The following ALPK2 variants were observed in gnomAD, a reference collection of about 807,000 sequenced individuals.
ALPK2 encodes alpha-protein kinase 2.
In ALPK2, 127 loss-of-function variants were observed where a neutral mutation model predicts 163.1. That is an observed-to-expected ratio of 0.78 (90% CI 0.67 to 0.90). The LOEUF (loss-of-function observed/expected upper bound fraction) is 0.90. Among genes scored for constraint, ALPK2 ranks in the 40% least tolerant of loss-of-function variants. ALPK2 has a pLI of 0.00. For synonymous variants in ALPK2, 953 were observed against 959.1 expected, an observed-to-expected ratio of 0.99 and a Z score of 0.12; for missense variants, 2,360 against 2,589.6, an observed-to-expected ratio of 0.91 and a Z score of 1.92.
chr18:58,624,946 TTCA>T (rs1355515198), intron 1 of ALPK2, among the ~76,000 whole-genome samples: 1 of 152,194 alleles, frequency 6.6e-6, no homozygotes, highest in Admixed American at 6.5e-5. Flanking sequence ...TGACAATTCT[TTCA>T]TCATCAAGAA....
chr18:58,606,613 G>T (rs565418977), intron 3 of ALPK2, among the ~76,000 whole-genome samples: 1 of 152,032 alleles, frequency 6.6e-6, no homozygotes, highest in Non-Finnish European at 1.5e-5. Flanking sequence ...CAGACTCAAC[G>T]CTATCAGCAC....
chr18:58,494,995 C>T (rs1477771279), intron 12 of ALPK2, among the ~76,000 whole-genome samples: 1 of 152,112 alleles, frequency 6.6e-6, no homozygotes, highest in African/African-American at 2.4e-5. Flanking sequence ...TGACTTCAAG[C>T]AGGAAAGACT....
rs2051636726 is a variant in ALPK2 at position 58,535,121 on chromosome 18, T to TTC, written c.5064_5065dup (p.Lys1689ArgfsTer18). On this transcript the variant is annotated frameshift_variant, in exon 5 of 13. Transcript: ENST00000361673. ...TTTGCCTGCTCGGGCTTCCAGGGACTTCTCTCTCTCCCTGGACTTTTTCGC... is the reference window on the plus strand; with the variant it reads ...TTTGCCTGCTCGGGCTTCCAGGGACTTCTCTCTCTCTCCCTGGACTTTTTCGC... The TTC allele has an allele frequency of 6.2e-7, 1 of 1,614,114 alleles. No individual in the cohort carries two copies. The highest frequency in any genetic ancestry group is 8.5e-7 in the Non-Finnish European group (1 of 1,180,024).
chr18:58,597,400 A>C (rs2052046470), intron 3 of ALPK2, among the ~76,000 whole-genome samples: 1 of 152,234 alleles, frequency 6.6e-6, no homozygotes, highest in South Asian at 2.1e-4. Flanking sequence ...CACTGTTCAA[A>C]AAGTTTCCTT....
chr18:58,618,790 C>G (rs138496376), intron 1 of ALPK2, among the ~76,000 whole-genome samples: 7 of 152,282 alleles, frequency 4.6e-5, no homozygotes, highest in African/African-American at 1.7e-4. Context: ...CCCTGCACCC[C>G]TGCAATCTGC....
intron 5 of ALPK2, among the ~76,000 whole-genome samples, chr18:58,533,780 T>C (rs1215842326): frequency 1.3e-5 from 2 of 152,158 alleles, no homozygotes; most frequent in Non-Finnish European, 2.9e-5. Flanking sequence ...TGCTTTAAAA[T>C]ATAGATACTA....
At chr18:58,482,299 A>G (rs908278081) in intron 12 of ALPK2, among the ~76,000 whole-genome samples, 5 of 152,184 alleles carry the variant, frequency 3.3e-5, no homozygotes, top group African/African-American at 4.8e-5. Context: ...CCAGGTGCTC[A>G]CGGTTGGAAT....
intron 4 of ALPK2, among the ~76,000 whole-genome samples, chr18:58,574,018 G>A (rs2051905568): frequency 6.6e-6 from 1 of 152,108 alleles, no homozygotes; most frequent in African/African-American, 2.4e-5. Flanking sequence ...GCAAAAGGCA[G>A]AAAATCCTGA....
intron 9 of ALPK2, among the ~76,000 whole-genome samples, chr18:58,516,289 C>T (rs376193839): frequency 7.9e-5 from 12 of 151,772 alleles, no homozygotes; most frequent in African/African-American, 2.4e-4. Flanking sequence ...GAGGAAGGAG[C>T]GAGAGAAGCT....
chr18:58,624,395 G>C lies in ALPK2; in HGVS notation c.-21+4369C>G, dbSNP rs2052217970. On this transcript the variant is annotated intron_variant, in intron 1 of 12. Transcript: ENST00000361673. ...TGACCAAAGTCCTGGACTCTTCCAT[G>C]GTATGAGCAATAAATCCCTGTTACT... is the stretch of plus-strand genomic sequence containing the variant. Among the ~76,000 whole-genome samples, 6 of 152,162 alleles carry C rather than the reference G, an allele frequency of 3.9e-5. No individual in the cohort carries two copies. The South Asian group carries it at 1.2e-3, about 32-fold the overall frequency.
Position 58,484,700 on chromosome 18 carries a change from C to T in ALPK2, c.6297-2661G>A, listed in dbSNP as rs1325016683. On this transcript the variant is annotated intron_variant, in intron 12 of 12. Transcript: ENST00000361673. ...CAGAGGTTGCAGTGAGACGAGATCGCGCCACTGCACTCCAGTCTGGCGACA... is the reference window on the plus strand; with the variant it reads ...CAGAGGTTGCAGTGAGACGAGATCGTGCCACTGCACTCCAGTCTGGCGACA... Among the ~76,000 whole-genome samples, 8 of 152,142 alleles carry T rather than the reference C, an allele frequency of 5.3e-5. 1 individual carries two copies. The South Asian group carries it at 1.7e-3, about 32-fold the overall frequency.
At chr18:58,532,107 T>C (rs2051619019) in intron 5 of ALPK2, among the ~76,000 whole-genome samples, 1 of 152,150 alleles carries the variant, frequency 6.6e-6, no homozygotes, top group Non-Finnish European at 1.5e-5. Context: ...ATTAGATAAA[T>C]ATTCAGTGCA....
intron 4 of ALPK2, 74 bp downstream of exon 4, chr18:58,578,740 A>ACACGCGCG: frequency 8.9e-7 from 1 of 1,118,820 alleles, no homozygotes; most frequent in Non-Finnish European, 1.3e-6. Flanking sequence ...AGAGACACAC[A>ACACGCGCG]CACACACACA....
chr18:58,530,396 C>T (rs1169095380), intron 5 of ALPK2, among the ~76,000 whole-genome samples: 7 of 152,204 alleles, frequency 4.6e-5, no homozygotes, highest in Non-Finnish European at 7.3e-5. Context: ...GTATTGATGG[C>T]AAACCCGCAT....
At chr18:58,623,752 C>T (rs1480899128) in intron 1 of ALPK2, among the ~76,000 whole-genome samples, 6 of 152,262 alleles carry the variant, frequency 3.9e-5, no homozygotes, top group Non-Finnish European at 7.3e-5. Flanking sequence ...AGGCGGCTCA[C>T]GCCACCGTGC....
At chr18:58,504,526 T>C (rs1465156526) in intron 10 of ALPK2, among the ~76,000 whole-genome samples, 3 of 152,164 alleles carry the variant, frequency 2.0e-5, no homozygotes, top group South Asian at 2.1e-4. Context: ...TTCCTTCCTT[T>C]CATCCATCCA....
intron 10 of ALPK2, among the ~76,000 whole-genome samples, chr18:58,504,499 C>T (rs748809213): frequency 6.6e-6 from 1 of 152,178 alleles, no homozygotes; most frequent in Non-Finnish European, 1.5e-5. Context: ...TTCATCCTTC[C>T]TTCCTTCCAT....
At chr18:58,538,557 CACA>C (rs1417277335) in intron 4 of ALPK2, 20 of 266,504 alleles carry the variant, frequency 7.5e-5, no homozygotes, top group South Asian at 2.1e-4. Context: ...TCAAGTAAGT[CACA>C]ACAAGAGCTG....
chr18:58,506,318 C>T (rs1051751217), intron 10 of ALPK2, among the ~76,000 whole-genome samples: 8 of 149,872 alleles, frequency 5.3e-5, no homozygotes, highest in Non-Finnish European at 1.5e-5. Context: ...CTCAGCATCA[C>T]ACAATACAGC....
Sources: allele counts gnomAD v4.1 joint callset (sites outside exome capture counted in the v4.1 genomes callset), GRCh38; gene constraint gnomAD v4.1.1; transcripts MANE v1.5; gene names NCBI Gene and HGNC (gene_info 2026-07-23, HGNC 2026-07-21).